NIBAN1: variants seen among roughly 807,000 people sequenced by gnomAD.
The protein encoded by NIBAN1 is protein Niban 1.
In NIBAN1, 81 loss-of-function variants were observed where a neutral mutation model predicts 75.1. That is an observed-to-expected ratio of 1.08 (90% CI 0.90 to 1.30). The LOEUF is 1.30. Ranked by LOEUF, NIBAN1 falls within the 50% of genes most tolerant of loss-of-function variation. NIBAN1 has a pLI of 0.00. For missense variants in NIBAN1, 1,133 were observed against 1,128.1 expected (o/e 1.00, Z -0.06); for synonymous variants, 436 against 424.8 (o/e 1.03, Z -0.32).
chr1:184,952,087 A>C (rs148466903), intron 1 of NIBAN1, among the ~76,000 whole-genome samples: 2 of 152,358 alleles, frequency 1.3e-5, no homozygotes, highest in Admixed American at 1.3e-4. Flanking sequence ...AAAGACACAC[A>C]ATGAATGCTT....
intron 5 of NIBAN1, among the ~76,000 whole-genome samples, chr1:184,862,496 T>C (rs553902650): frequency 1.1e-3 from 162 of 152,250 alleles, no homozygotes; most frequent in African/African-American, 3.7e-3. Flanking sequence ...TACCAGGTTT[T>C]TGTTTTGTTT....
At chr1:184,857,786 G>A (rs937067037) in intron 5 of NIBAN1, among the ~76,000 whole-genome samples, 11 of 152,030 alleles carry the variant, frequency 7.2e-5, no homozygotes, top group African/African-American at 2.4e-4. Context: ...GGCAAAAATT[G>A]TAGCTTAATT....
intron 5 of NIBAN1, among the ~76,000 whole-genome samples, chr1:184,859,597 A>G (rs1164457126): frequency 2.0e-5 from 3 of 152,234 alleles, no homozygotes; most frequent in Non-Finnish European, 2.9e-5. Context: ...TGAAAGCAGA[A>G]GCAGAATATA....
At chr1:184,924,219 C>T (rs941867469) in intron 1 of NIBAN1, among the ~76,000 whole-genome samples, 1 of 152,022 alleles carries the variant, frequency 6.6e-6, no homozygotes, top group Non-Finnish European at 1.5e-5. Flanking sequence ...AGGTATGTCT[C>T]TTTTATACCC....
At chr1:184,865,823 C>T (rs750067438) in intron 5 of NIBAN1, among the ~76,000 whole-genome samples, 25 of 151,536 alleles carry the variant, frequency 1.6e-4, no homozygotes, top group Non-Finnish European at 2.5e-4. Flanking sequence ...TGATAGTAGG[C>T]GATGAGGAGC....
intron 8 of NIBAN1, among the ~76,000 whole-genome samples, chr1:184,820,362 C>T (rs923503904): frequency 2.0e-5 from 3 of 152,336 alleles, no homozygotes; most frequent in Admixed American, 2.0e-4. Context: ...CCCACTCTCC[C>T]TCTGTGCCTA....
At chr1:184,871,917 T>A (rs755946235) in intron 5 of NIBAN1, among the ~76,000 whole-genome samples, 1 of 152,176 alleles carries the variant, frequency 6.6e-6, no homozygotes, top group Non-Finnish European at 1.5e-5. Context: ...AAATGCACAT[T>A]AGCTACATGG....
chr1:184,968,974 C>A (rs75625010), intron 1 of NIBAN1, among the ~76,000 whole-genome samples: 2,055 of 152,282 alleles, frequency 0.013, 42 homozygotes, highest in African/African-American at 0.044. Flanking sequence ...GCCATGGTTA[C>A]AATCCAGCCA....
chr1:184,857,753 G>GTA, intron 5 of NIBAN1, among the ~76,000 whole-genome samples: 1 of 152,096 alleles, frequency 6.6e-6, no homozygotes, highest in African/African-American at 2.4e-5. Flanking sequence ...GTATATGTGT[G>GTA]TATATATATA....
intron 8 of NIBAN1, among the ~76,000 whole-genome samples, chr1:184,820,712 C>T (rs1477574244): frequency 6.6e-6 from 1 of 152,212 alleles, no homozygotes; most frequent in Non-Finnish European, 1.5e-5. Context: ...GCCTGAAAGG[C>T]GAGGGCCAGA....
At chr1:184,816,775 A>G (rs1654547690) in intron 9 of NIBAN1, among the ~76,000 whole-genome samples, 2 of 151,880 alleles carry the variant, frequency 1.3e-5, no homozygotes, top group Admixed American at 1.3e-4. Flanking sequence ...AAAACCATAT[A>G]AGTACATTTA....
intron 4 of NIBAN1, among the ~76,000 whole-genome samples, chr1:184,887,515 C>A (rs113731065): frequency 1.2e-4 from 19 of 152,272 alleles, no homozygotes; most frequent in African/African-American, 4.3e-4. Context: ...GCATATGAAA[C>A]TTCCTGGAGG....
intron 1 of NIBAN1, among the ~76,000 whole-genome samples, chr1:184,925,472 T>C (rs1323739579): frequency 6.6e-6 from 1 of 152,114 alleles, no homozygotes; most frequent in East Asian, 1.9e-4. Flanking sequence ...TGATTGCTTT[T>C]TGGTCTTCTC....
intron 1 of NIBAN1, among the ~76,000 whole-genome samples, chr1:184,945,482 C>T (rs1300061037): frequency 6.6e-6 from 1 of 152,006 alleles, no homozygotes; most frequent in Admixed American, 6.6e-5. Context: ...CAAGGTCTTG[C>T]CCAACTTAAA....
chr1:184,906,866 G>A (rs1158081394), intron 1 of NIBAN1, among the ~76,000 whole-genome samples: 2 of 152,090 alleles, frequency 1.3e-5, no homozygotes, highest in Non-Finnish European at 2.9e-5. Context: ...TCTCATTCTA[G>A]AAGGTTCTTC....
At chr1:184,839,931 A>G (rs1310994828) in intron 5 of NIBAN1, among the ~76,000 whole-genome samples, 1 of 152,108 alleles carries the variant, frequency 6.6e-6, no homozygotes, top group Admixed American at 6.6e-5. Context: ...TTTAAAAGAG[A>G]CTTTTCTTCT....
At chr1:184,960,865 G>T (rs1240913525) in intron 1 of NIBAN1, among the ~76,000 whole-genome samples, 2 of 151,792 alleles carry the variant, frequency 1.3e-5, no homozygotes, top group Non-Finnish European at 2.9e-5. Context: ...CCTGACCTCA[G>T]GTGATCCACC....
At position 184,974,494 on chromosome 1, in the gene NIBAN1, G is replaced by GAGGCGCCCCAGA; in HGVS notation, c.-139_-138insTCTGGGGCGCCT. 1 of 1,190,948 alleles carries GAGGCGCCCCAGA rather than the reference G, an allele frequency of 8.4e-7. No individual in the cohort carries two copies. Among genetic ancestry groups the GAGGCGCCCCAGA allele is most frequent in the Non-Finnish European group, 1.2e-6 (1 of 865,340 alleles). The allele number at this position is 1,190,948 out of a possible 1,614,324, so 73.8% of individuals were successfully genotyped here. On this transcript the variant is annotated 5_prime_UTR_variant, in exon 1 of 14. Coordinates refer to ENST00000367511, the MANE Select transcript of NIBAN1 (RefSeq NM_052966.4). ...TCGAGAGGCGAGAGACAGGAGGCAA[G>GAGGCGCCCCAGA]AGGCGTCGCCTTCTGGGGCGCCTCC...
chr1:184,958,363 G>GACACACACACACAC (rs1658541748), intron 1 of NIBAN1, among the ~76,000 whole-genome samples: 1 of 82,422 alleles, frequency 1.2e-5, no homozygotes, highest in Non-Finnish European at 2.3e-5. Context: ...TGACAGAGGA[G>GACACACACACACAC]TCACACACAC....
Sources: gnomAD v4.1 joint callset for allele counts (sites outside exome capture counted in the v4.1 genomes callset) on GRCh38, gnomAD v4.1.1 for gene constraint, MANE v1.5 for transcripts, NCBI Gene and HGNC (gene_info 2026-07-23, HGNC 2026-07-21) for gene names.